IAH1: variants seen among roughly 807,000 people sequenced by gnomAD.
The protein encoded by IAH1 is isoamyl acetate hydrolyzing esterase 1 (putative).
In IAH1, 24 loss-of-function variants were observed where a neutral mutation model predicts 26.7. The ratio of observed to expected loss-of-function variants is 0.90; its 90% CI spans 0.65 to 1.26. The LOEUF (loss-of-function observed/expected upper bound fraction) is 1.26. IAH1 is among the 50% of genes most tolerant of loss of function. IAH1 has a pLI of 0.00. For missense variants in IAH1, 300 were observed against 299.9 expected, an observed-to-expected ratio of 1.00 and a Z score of 0.00; for synonymous variants, 140 against 118.5, an observed-to-expected ratio of 1.18 and a Z score of -1.18.
At chr2:9,491,298 A>G (rs1282449565), downstream of IAH1, 2 of 649,382 alleles carry the variant, frequency 3.1e-6, no homozygotes, top group Non-Finnish European at 5.2e-6. Context: ...ATGACAATCC[A>G]TTTCTCACCC....
chr2:9,488,354 C>T lies in IAH1; in HGVS notation c.*25C>T. The T allele has an allele frequency of 1.9e-6, 3 of 1,556,768 alleles. No homozygotes were observed. Among genetic ancestry groups the T allele is most frequent in the African/African-American group, 1.4e-5 (1 of 72,730 alleles). On this transcript the variant is annotated 3_prime_UTR_variant, in exon 6 of 6. Transcript: ENST00000497473. Reference sequence around the variant, plus strand: ...GCCAATCACAGGAGACCCAAATCTGCTTGTTATCTACAGAACTCAAAGTTG... The same window carrying T: ...GCCAATCACAGGAGACCCAAATCTGTTTGTTATCTACAGAACTCAAAGTTG...
chr2:9,491,631 T>C (rs1036964515), downstream of IAH1, among the ~76,000 whole-genome samples: 4 of 152,210 alleles, frequency 2.6e-5, no homozygotes, highest in African/African-American at 9.7e-5. Flanking sequence ...GACCATGCTC[T>C]GCTGGAGGAA....
At chr2:9,475,099 T>G in intron 1 of IAH1, 1 of 1,255,484 alleles carries the variant, frequency 8.0e-7, no homozygotes, top group Non-Finnish European at 1.0e-6. Flanking sequence ...CGGGCACAGG[T>G]GGGGCCGTTA....
intron 4 of IAH1, among the ~76,000 whole-genome samples, chr2:9,483,590 C>T (rs1661307118): frequency 6.6e-6 from 1 of 152,284 alleles, no homozygotes; most frequent in Admixed American, 6.5e-5. Context: ...CATGCTTTCT[C>T]TTTAATACCA....
Position 9,478,220 on chromosome 2 carries a change from AG to A in IAH1, c.135-1del. On this transcript the variant is annotated splice_acceptor_variant, in intron 2 of 5. Transcript: ENST00000497473. LOFTEE classifies it high-confidence loss of function. Reference sequence around the variant, plus strand: ...TCATCTTTTTAAAATTTTTCGTTTCAGAAAATGTGATGTTCTGAATCGTGGA... The same window carrying A: ...TCATCTTTTTAAAATTTTTCGTTTCAAAAATGTGATGTTCTGAATCGTGGA... The A allele has an allele frequency of 6.3e-7, 1 of 1,588,596 alleles. No individual in the cohort carries two copies. Among genetic ancestry groups the A allele is most frequent in the Non-Finnish European group, 8.6e-7 (1 of 1,167,870 alleles).
chr2:9,484,638 C>A, intron 5 of IAH1, 88 bp downstream of exon 5: 1 of 837,770 alleles, frequency 1.2e-6, no homozygotes, highest in Non-Finnish European at 2.0e-6. Context: ...CCTAGAAAGG[C>A]CCTGCTTAGC....
chr2:9,474,601 C>T lies in IAH1; in HGVS notation c.35C>T (p.Ala12Val). The T allele has an allele frequency of 6.5e-7, 1 of 1,538,728 alleles. No homozygotes were observed. Residue 12 changes from alanine (A) to valine (V), a missense_variant, in exon 1 of 6, where the codon GCC becomes GTC. Ala to Val is a moderately conservative substitution (Grantham distance 64). Coordinates refer to ENST00000497473, the MANE Select transcript of IAH1 (RefSeq NM_001039613.3). This position sits in a 1 kb window ranked among gnomAD's most constrained non-coding sequence, Gnocchi z 4.3. ...TGCGAGGCCGCGGGCTGCGGGAGTG[C>T]CCTGCTCTGGCCTCGCTTGTTGCTC... The part of the protein sequence containing the change: ...ALCEAAGCGS[A>V]LLWPRLLLFG...
downstream of IAH1, chr2:9,490,163 A>T: frequency 6.3e-7 from 1 of 1,577,836 alleles, no homozygotes; most frequent in South Asian, 1.1e-5. Context: ...AAGTCAGAAG[A>T]GCTGAGAACT....
chr2:9,491,178 T>C (rs781600390), downstream of IAH1: 27 of 1,599,154 alleles, frequency 1.7e-5, no homozygotes, highest in Non-Finnish European at 2.3e-5. Context: ...AGAAGGTCAT[T>C]CCCTACAAAT....
the IAH1 span, among the ~76,000 whole-genome samples, chr2:9,502,750 G>A: frequency 4.0e-5 from 6 of 151,230 alleles, no homozygotes; most frequent in South Asian, 4.2e-4. Context: ...GTGGTGGTGC[G>A]CTCCTGTAAT....
chr2:9,498,879 G>T (rs1191738948), downstream of IAH1, among the ~76,000 whole-genome samples: 1 of 152,154 alleles, frequency 6.6e-6, no homozygotes, highest in Non-Finnish European at 1.5e-5. Context: ...TATTAGACAG[G>T]TAGGAAAATA....
At chr2:9,496,264 G>A (rs1476756127) in intron 6 of IAH1, 1 of 152,120 alleles carries the variant, frequency 6.6e-6, no homozygotes, top group Admixed American at 6.6e-5. Flanking sequence ...TAGCAGCTGG[G>A]ATTACAGGTG....
chr2:9,490,961 A>G, downstream of IAH1: 1 of 708,190 alleles, frequency 1.4e-6, no homozygotes, highest in Non-Finnish European at 2.4e-6. Context: ...AGAAGGGTAA[A>G]CATTCCAACC....
chr2:9,496,321 C>T lies in IAH1; in HGVS notation c.*229C>T, dbSNP rs142044746. 7.3e-3 allele frequency: 1,113 copies of T among 151,682 alleles called. 9 individuals carry two copies. The highest frequency in any genetic ancestry group is 0.025 in the African/African-American group (1,043 of 41,328). The allele number at this position is 151,682 out of a possible 1,614,324, so 9.4% of individuals were successfully genotyped here. On this transcript the variant is annotated 3_prime_UTR_variant, in exon 7 of 7. Coordinates refer to the IAH1 transcript ENST00000481367. ...TTTTTTTTATTTTTAGTAGAGACAGCGTTTTGCCATGTTGACCAAGCTGCT... is the reference window on the plus strand; with the variant it reads ...TTTTTTTTATTTTTAGTAGAGACAGTGTTTTGCCATGTTGACCAAGCTGCT...
chr2:9,497,060 G>T (rs951906124), downstream of IAH1: 1 of 1,589,380 alleles, frequency 6.3e-7, no homozygotes. Flanking sequence ...AGGGAGCCTG[G>T]CAGACAAAGG....
At chr2:9,491,584 T>C (rs1466299772), downstream of IAH1, among the ~76,000 whole-genome samples, 2 of 109,982 alleles carry the variant, frequency 1.8e-5, no homozygotes, top group African/African-American at 3.2e-5. Flanking sequence ...CCCCGGCCCA[T>C]GGCCTCACTC....
chr2:9,490,643 C>T, downstream of IAH1: 1 of 1,008,800 alleles, frequency 9.9e-7, no homozygotes, highest in East Asian at 2.6e-5. Context: ...GAAAAAAGTG[C>T]TAGGTGAGGC....
downstream of IAH1, chr2:9,490,370 G>C (rs755704723): frequency 1.9e-6 from 3 of 1,614,182 alleles, no homozygotes; most frequent in Admixed American, 5.0e-5. Flanking sequence ...TTCCTGGATG[G>C]TGTCCATTCT....
At chr2:9,491,067 CG>C (rs766698101), downstream of IAH1, 1 of 1,597,044 alleles carries the variant, frequency 6.3e-7, no homozygotes. Flanking sequence ...TCAGACCAGG[CG>C]AAGATTATGT....
Sources: allele counts gnomAD v4.1 joint callset (sites outside exome capture counted in the v4.1 genomes callset), GRCh38; gene constraint gnomAD v4.1.1; non-coding constraint Gnocchi (gnomAD v3.1); transcripts MANE v1.5; gene names NCBI Gene and HGNC (gene_info 2026-07-23, HGNC 2026-07-21).